DLG3: variants seen among roughly 807,000 people sequenced by gnomAD.
DLG3 encodes disks large homolog 3.
DLG3 carries 1 observed loss-of-function variant against 64.1 expected under a neutral mutation model. The observed-to-expected ratio is 0.02, with a 90% CI of 0.01 to 0.07. DLG3 has a LOEUF of 0.07. DLG3 is among the 10% of genes least tolerant of loss of function. The probability of loss-of-function intolerance (pLI) is 1.00; values close to 1 mark genes in which losing one functional copy is unlikely to be tolerated. For missense variants in DLG3, 429 were observed against 669.5 expected, an observed-to-expected ratio of 0.64 and a Z score of 3.96; for synonymous variants, 245 against 259.8, an observed-to-expected ratio of 0.94 and a Z score of 0.55.
In DLG3 at chrX:70,505,431, C is replaced by G. The variant is rs903567512; in HGVS notation, c.*3162C>G. ...TCCTTCATCTCTAACAGAGGAAGAA[C>G]TGTATTATCAAACCTTATGGTCTAC... On this transcript the variant is annotated 3_prime_UTR_variant, in exon 19 of 19. Coordinates refer to ENST00000374360, the MANE Select transcript of DLG3 (RefSeq NM_021120.4). 3.6e-5 allele frequency: 4 copies of G among 112,302 alleles called. No homozygotes were observed. Among genetic ancestry groups the G allele is most frequent in the Admixed American group, 9.4e-5 (1 of 10,624 alleles). The allele number at this position is 112,302 out of a possible 1,213,427, so 9.3% of individuals were successfully genotyped here. A position where few individuals can be genotyped will look rare whatever the true frequency, so the allele number is the denominator to read the frequency against.
intron 9 of DLG3, 94 bp from the exon 10 acceptor site, chrX:70,479,056 A>G (rs1602947792): frequency 1.2e-6 from 1 of 806,702 alleles, no homozygotes; most frequent in East Asian, 3.2e-5. Flanking sequence ...TTTTAAGCCA[A>G]GGGGCCTTCT....
In DLG3 at chrX:70,495,418, G is replaced by A. The variant is rs748419701; in HGVS notation, c.1784G>A (p.Gly595Glu). Residue 595 changes from glycine (G) to glutamate (E), a missense_variant, in exon 13 of 19, where the codon GGG (glycine) becomes GAG (glutamate). Transcript: ENST00000374360. ...GMIESNRDFP[G>E]LSDDYYGAKN... ...TGTCTGTGAAATCAGGACTTCCCGG[G>A]GTTAAGTGACGATTATTATGGAGCA... 2 of 1,210,844 alleles carry A rather than the reference G, an allele frequency of 1.7e-6. No individual in the cohort carries two copies. Among genetic ancestry groups the A allele is most frequent in the South Asian group, 1.8e-5 (1 of 56,906 alleles).
intron 9 of DLG3, among the ~76,000 whole-genome samples, chrX:70,463,130 T>A (rs1169177259): frequency 1.8e-5 from 2 of 111,180 alleles, no homozygotes; most frequent in Non-Finnish European, 3.8e-5. Context: ...TGAGAATGAG[T>A]TATTTCTTTT....
intron 17 of DLG3, 84 bp downstream of exon 17, chrX:70,500,664 A>G: frequency 2.3e-6 from 2 of 855,614 alleles, no homozygotes; most frequent in Non-Finnish European, 3.5e-6. Context: ...TTTGCTGGGC[A>G]GAAACTTGAA....
At chrX:70,470,995 G>T (rs1194585038) in intron 9 of DLG3, among the ~76,000 whole-genome samples, 1 of 111,083 alleles carries the variant, frequency 9.0e-6, no homozygotes, top group African/African-American at 3.3e-5. Context: ...AGCATGTTTG[G>T]GTGGGTGAAA....
At chrX:70,455,881 C>T (rs1242812706) in intron 9 of DLG3, 1 of 111,624 alleles carries the variant, frequency 9.0e-6, no homozygotes, top group African/African-American at 3.3e-5. Context: ...GCTCTATTTC[C>T]GCGATGAGAG....
chrX:70,494,943 G>A (rs999714872), intron 12 of DLG3, among the ~76,000 whole-genome samples: 17 of 112,334 alleles, frequency 1.5e-4, no homozygotes, highest in African/African-American at 4.9e-4. Flanking sequence ...TGGCACACGC[G>A]GACATTTGCT....
At chrX:70,457,050 G>T (rs373287453) in intron 9 of DLG3, among the ~76,000 whole-genome samples, 9 of 112,005 alleles carry the variant, frequency 8.0e-5, no homozygotes, top group Admixed American at 2.8e-4. Context: ...GTGAGAGCTG[G>T]AAAGGATCAA....
chrX:70,470,517 C>T (rs1428493811), intron 9 of DLG3, among the ~76,000 whole-genome samples: 1 of 111,868 alleles, frequency 8.9e-6, no homozygotes, highest in African/African-American at 3.2e-5. Context: ...AGGAGTGAGC[C>T]ACTGCACCCA....
At chrX:70,484,133 C>T (rs1411461527) in intron 10 of DLG3, among the ~76,000 whole-genome samples, 1 of 111,560 alleles carries the variant, frequency 9.0e-6, no homozygotes, top group Non-Finnish European at 1.9e-5. Context: ...CCAAAGGTTG[C>T]CAAGAGGCTC....
At chrX:70,492,407 T>C (rs2087374466) in intron 11 of DLG3, 114 bp from the exon 12 acceptor site, 3 of 1,108,443 alleles carry the variant, frequency 2.7e-6, no homozygotes, top group Non-Finnish European at 3.7e-6. Flanking sequence ...GTAGAGTCGG[T>C]ACTCAACATG....
At chrX:70,471,433 C>A (rs1427863542) in intron 9 of DLG3, among the ~76,000 whole-genome samples, 2 of 108,948 alleles carry the variant, frequency 1.8e-5, no homozygotes, top group African/African-American at 3.3e-5. Context: ...GGGTTCACAC[C>A]GTTCTCCTGC....
rs1170358513 is a variant in DLG3, at chrX:70,504,764, T to G, written c.*2495T>G. 1 of 111,979 alleles carries G rather than the reference T, an allele frequency of 8.9e-6. No individual in the cohort carries two copies. The highest frequency in any genetic ancestry group is 1.9e-5 in the Non-Finnish European group (1 of 53,227). The allele number at this position is 111,979 out of a possible 1,213,427, so 9.2% of individuals were successfully genotyped here. The stretch of plus-strand genomic sequence containing the variant: ...AGAAAAATGGCCAGAGAAAGTGACC[T>G]GCCAGCTACCAGTGTTTCCGAAAAT... On this transcript the variant is annotated 3_prime_UTR_variant, in exon 19 of 19. Coordinates refer to ENST00000374360, the MANE Select transcript of DLG3 (RefSeq NM_021120.4).
At position 70,499,908 on chromosome X, in the gene DLG3, G is replaced by A; in HGVS notation, c.2004G>A (p.Val668=). 1.7e-6 allele frequency: 2 copies of A among 1,210,053 alleles called. No individual in the cohort carries two copies. The highest frequency in any genetic ancestry group is 1.8e-5 in the South Asian group (1 of 56,420). Residue 668 remains valine, a synonymous_variant, in exon 16 of 19, where the codon GTG becomes GTA. Transcript: ENST00000374360. Reference sequence around the variant, plus strand: ...CCCGGCCTCGACGTGATAATGAGGTGGATGGACAAGACTACCACTTTGTGG... The same window carrying A: ...CCCGGCCTCGACGTGATAATGAGGTAGATGGACAAGACTACCACTTTGTGG... ...HTTRPRRDNE[V]DGQDYHFVVS...
intron 9 of DLG3, among the ~76,000 whole-genome samples, chrX:70,476,651 A>T (rs2087059053): frequency 8.9e-6 from 1 of 112,551 alleles, no homozygotes; most frequent in Non-Finnish European, 1.9e-5. Flanking sequence ...TGCTCCCAAC[A>T]ATTAACCTTG....
Position 70,445,409 on chromosome X carries a change from C to A in DLG3, c.208C>A (p.Arg70Ser). 8.4e-7 allele frequency: 1 copy of A among 1,188,020 alleles called. No homozygotes were observed. Among genetic ancestry groups the A allele is most frequent in the Non-Finnish European group, 1.1e-6 (1 of 883,671 alleles). Residue 70 changes from arginine to serine, a missense_variant, in exon 1 of 19, where the codon CGC (arginine) becomes AGC (serine). Transcript: ENST00000374360. ...PSQAGATPTP[R>S]TKAKLIPTGR... is the part of the protein sequence containing the mutation. The stretch of plus-strand genomic sequence containing the variant: ...GCAGGCGGGGGCCACCCCCACCCCT[C>A]GCACCAAGGCCAAGCTCATCCCCAC...
At chrX:70,452,860 T>C (rs1310003881) in intron 7 of DLG3, 2 of 813,512 alleles carry the variant, frequency 2.5e-6, no homozygotes, top group African/African-American at 2.1e-5. Flanking sequence ...GGCTTTGGGC[T>C]CCTCCGAGGA....
At chrX:70,491,814 A>G (rs754805767) in intron 10 of DLG3, among the ~76,000 whole-genome samples, 110 of 112,336 alleles carry the variant, frequency 9.8e-4, no homozygotes, top group Non-Finnish European at 1.8e-3. Context: ...AGGGCTATTG[A>G]GCGAGTTCTA....
At chrX:70,459,264 A>G (rs975986859) in intron 9 of DLG3, among the ~76,000 whole-genome samples, 11 of 112,345 alleles carry the variant, frequency 9.8e-5, no homozygotes, top group Non-Finnish European at 2.1e-4. Context: ...GAATGAGAGT[A>G]TTTCTGTAAG....
Sources: allele counts gnomAD v4.1 joint callset (sites outside exome capture counted in the v4.1 genomes callset), GRCh38; gene constraint gnomAD v4.1.1; transcripts MANE v1.5; gene names NCBI Gene and HGNC (gene_info 2026-07-23, HGNC 2026-07-21).